The following DSCAML1 variants were observed in gnomAD, a reference collection of about 807,000 sequenced individuals.
DSCAML1 encodes cell adhesion molecule DSCAML1.
Under a neutral mutation model 200.5 loss-of-function variants are expected in DSCAML1, and 38 were observed. The ratio of observed to expected loss-of-function variants is 0.19; its 90% CI spans 0.15 to 0.25. The LOEUF is 0.25. Ranked by LOEUF, DSCAML1 falls within the 10% of genes least tolerant of loss-of-function variation. The pLI, the probability that DSCAML1 is intolerant of heterozygous loss-of-function variation, is 1.00. For synonymous variants in DSCAML1, 1,215 were observed against 1,165.0 expected, an observed-to-expected ratio of 1.04 and a Z score of -0.87; for missense variants, 2,223 against 2,858.8, an observed-to-expected ratio of 0.78 and a Z score of 5.07.
At chr11:117,621,581 G>A (rs768158966) in intron 3 of DSCAML1, among the ~76,000 whole-genome samples, 1 of 152,174 alleles carries the variant, frequency 6.6e-6, no homozygotes, top group Non-Finnish European at 1.5e-5. Flanking sequence ...TTTAAAAAAT[G>A]TTAATGTACT....
chr11:117,690,660 C>G (rs1173126572), intron 3 of DSCAML1, among the ~76,000 whole-genome samples: 2 of 152,248 alleles, frequency 1.3e-5, no homozygotes, highest in Non-Finnish European at 2.9e-5. Context: ...GCCCAGCCAC[C>G]TCTGGACCAT....
intron 3 of DSCAML1, among the ~76,000 whole-genome samples, chr11:117,638,315 AGTGTGTGTGTGTGTGTGT>A (rs59327038): frequency 6.9e-4 from 93 of 135,216 alleles, no homozygotes; most frequent in Admixed American, 1.6e-3. Flanking sequence ...CAAGATAGCA[AGTGTGTGTGTGTGTGTGT>A]GTGTGTGTGT....
At chr11:117,732,113 GTAAACAGCAGA>G (rs1357878321) in intron 3 of DSCAML1, among the ~76,000 whole-genome samples, 1 of 152,356 alleles carries the variant, frequency 6.6e-6, no homozygotes, top group East Asian at 1.9e-4. Flanking sequence ...ACATTTGCAT[GTAAACAGCAGA>G]CTCCTGAAGA....
chr11:117,437,089 C>G lies in DSCAML1; in HGVS notation c.4720+33G>C. 6.3e-7 allele frequency: 1 copy of G among 1,595,944 alleles called. No homozygotes were observed. On this transcript the variant is annotated intron_variant, in intron 26 of 32. Coordinates refer to ENST00000651296, the MANE Select transcript of DSCAML1 (RefSeq NM_020693.4). This position sits in a 1 kb window ranked among gnomAD's most constrained non-coding sequence, Gnocchi z 5.3. ...TTCCTTCGCACCACCCTGCTCCAGCCTCTGTACCATCCCTTCCACCCTTGC... is the reference window on the plus strand; with the variant it reads ...TTCCTTCGCACCACCCTGCTCCAGCGTCTGTACCATCCCTTCCACCCTTGC...
At chr11:117,527,720 C>T (rs77026903) in intron 4 of DSCAML1, among the ~76,000 whole-genome samples, 5,575 of 152,228 alleles carry the variant, frequency 0.037, 148 homozygotes, top group East Asian at 0.12. Context: ...CTAAATTTTG[C>T]TTAGGAGTGG....
At position 117,481,290 on chromosome 11, in the gene DSCAML1, G is replaced by C. The variant is rs374896367; in HGVS notation, c.2560-20C>G. On this transcript the variant is annotated intron_variant, in intron 12 of 32. Coordinates refer to ENST00000651296, the MANE Select transcript of DSCAML1 (RefSeq NM_020693.4). ...CTTGAGCTGGGAGACCACCAGCAGG[G>C]GCAGGAGAGGGAGTAAACAGGGAGA... is the stretch of plus-strand genomic sequence containing the variant. 1.2e-6 allele frequency: 2 copies of C among 1,611,520 alleles called. No individual in the cohort carries two copies. The highest frequency in any genetic ancestry group is 2.7e-5 in the African/African-American group (2 of 74,802).
intron 14 of DSCAML1, among the ~76,000 whole-genome samples, chr11:117,476,438 C>T (rs368761809): frequency 3.6e-4 from 55 of 152,308 alleles, no homozygotes; most frequent in African/African-American, 5.1e-4. Context: ...TGCGTCACAA[C>T]GACAGCTCAC....
At chr11:117,514,411 T>A (rs1272502346) in intron 8 of DSCAML1, among the ~76,000 whole-genome samples, 1 of 151,838 alleles carries the variant, frequency 6.6e-6, no homozygotes, top group Non-Finnish European at 1.5e-5. Flanking sequence ...GCTCTATGTC[T>A]TTATTCCTAA....
chr11:117,559,327 A>G (rs890499169), intron 3 of DSCAML1, among the ~76,000 whole-genome samples: 1 of 152,212 alleles, frequency 6.6e-6, no homozygotes, highest in South Asian at 2.1e-4. Context: ...CCTCAGGCCA[A>G]ATCTTCACAT....
At chr11:117,731,419 T>C (rs1383504050) in intron 3 of DSCAML1, among the ~76,000 whole-genome samples, 2 of 152,172 alleles carry the variant, frequency 1.3e-5, no homozygotes, top group Non-Finnish European at 2.9e-5. Flanking sequence ...ATGTCACTGT[T>C]CCAGCCTCAC....
chr11:117,561,270 T>C (rs992008335), intron 3 of DSCAML1, among the ~76,000 whole-genome samples: 1 of 152,338 alleles, frequency 6.6e-6, no homozygotes, highest in African/African-American at 2.4e-5. Context: ...CAGTGAGCAC[T>C]GGACAATGAG....
chr11:117,753,858 T>C (rs758905832), intron 3 of DSCAML1, among the ~76,000 whole-genome samples: 2 of 152,196 alleles, frequency 1.3e-5, no homozygotes, highest in African/African-American at 4.8e-5. Context: ...GCTGTTACTC[T>C]ATGTGACTCT....
chr11:117,694,057 T>TTATATA (rs35313833), intron 3 of DSCAML1, among the ~76,000 whole-genome samples: 2,438 of 116,588 alleles, frequency 0.021, 51 homozygotes, highest in Non-Finnish European at 0.023. Context: ...GGTTCTATCT[T>TTATATA]TATATATATA....
At position 117,461,482 on chromosome 11, in the gene DSCAML1, C is replaced by G. The variant is rs753027320; in HGVS notation, c.3380G>C (p.Arg1127Pro). 1 of 1,614,200 alleles carries G rather than the reference C, an allele frequency of 6.2e-7. No individual in the cohort carries two copies. Among genetic ancestry groups the G allele is most frequent in the Non-Finnish European group, 8.5e-7 (1 of 1,180,044 alleles). ...AACATAGAGGGACCAGAAGATGACC[C>G]GATAGCCTTTGAGGACGCCATTGAG... ...STLNGVLKGY[R>P]VIFWSLYVDG... The change falls in exon 18 of 33, where the codon CGG becomes CCG. Residue 1127 changes from arginine (R) to proline (P), a missense_variant. By Grantham distance (103) the Arg-to-Pro change is moderately radical (BLOSUM62 -2). This residue lies in a region of DSCAML1 where 438 missense variants were observed against 629.7 expected (regional missense o/e 0.70). Coordinates refer to ENST00000651296, the MANE Select transcript of DSCAML1 (RefSeq NM_020693.4).
chr11:117,514,234 C>T (rs559193891), intron 8 of DSCAML1, among the ~76,000 whole-genome samples: 1 of 152,094 alleles, frequency 6.6e-6, no homozygotes, highest in Admixed American at 6.6e-5. Flanking sequence ...AACGCTATTC[C>T]TCCCTCTCTT....
intron 3 of DSCAML1, among the ~76,000 whole-genome samples, chr11:117,749,634 C>A (rs562854939): frequency 1.3e-5 from 2 of 152,362 alleles, no homozygotes; most frequent in Admixed American, 1.3e-4. Context: ...GGATTCTTGG[C>A]AAGATGCTGA....
At chr11:117,640,521 C>T (rs992555001) in intron 3 of DSCAML1, among the ~76,000 whole-genome samples, 1 of 152,226 alleles carries the variant, frequency 6.6e-6, no homozygotes, top group African/African-American at 2.4e-5. Context: ...CAGTCATCCA[C>T]TATCCAGGTG....
intron 5 of DSCAML1, among the ~76,000 whole-genome samples, chr11:117,522,581 C>G (rs2049903355): frequency 6.6e-6 from 1 of 152,190 alleles, no homozygotes; most frequent in Admixed American, 6.5e-5. Flanking sequence ...CTCATGTGGG[C>G]CGAGTGCAGC....
rs574594176 is a variant in DSCAML1 at position 117,646,628 on chromosome 11, C to T, written c.512-114106G>A. Among the ~76,000 whole-genome samples the T allele has an allele frequency of 2.6e-5, 4 of 152,298 alleles. No individual in the cohort carries two copies. In the South Asian group the frequency reaches 8.3e-4, roughly 32 times the overall value. ...CCCTCAGACCAGCTCAGACAGCCAA[C>T]TGTGCATTTCTTCCCAATCCCATGG... is the stretch of plus-strand genomic sequence containing the variant. On this transcript the variant is annotated intron_variant, in intron 3 of 32. Transcript: ENST00000651296.
Sources: gnomAD v4.1 joint callset for allele counts (sites outside exome capture counted in the v4.1 genomes callset) on GRCh38, gnomAD v4.1.1 for gene constraint, gnomAD v4.1.1 regional missense constraint, Gnocchi (gnomAD v3.1) non-coding constraint, MANE v1.5 for transcripts, NCBI Gene and HGNC (gene_info 2026-07-23, HGNC 2026-07-21) for gene names.